Variants in TLE4 observed in about 807,000 individuals in gnomAD.
TLE4 encodes the protein transducin-like enhancer protein 4.
Under a neutral mutation model 92.8 loss-of-function variants are expected in TLE4, and 8 were observed. The observed-to-expected ratio is 0.09, with a 90% confidence interval of 0.05 to 0.16. The LOEUF (loss-of-function observed/expected upper bound fraction) is 0.16. TLE4 is among the 10% of genes least tolerant of loss of function. TLE4 has a pLI of 1.00. For missense variants in TLE4, 675 were observed against 997.6 expected (o/e 0.68, Z 4.36); for synonymous variants, 371 against 374.1 (o/e 0.99, Z 0.10).
At chr9:79,716,029 G>A (rs1040250542) in intron 14 of TLE4, among the ~76,000 whole-genome samples, 11 of 151,904 alleles carry the variant, frequency 7.2e-5, no homozygotes, top group African/African-American at 1.7e-4. Flanking sequence ...GTTGTCTTTC[G>A]TTTTGCCACC....
chr9:79,583,146 C>T (rs1043197602), intron 4 of TLE4, among the ~76,000 whole-genome samples: 2 of 151,810 alleles, frequency 1.3e-5, no homozygotes, highest in African/African-American at 2.4e-5. Flanking sequence ...ATCTATATAC[C>T]CTCTCTCTTT....
In TLE4 at chr9:79,573,273, C is replaced by A. The variant is rs1456084542; in HGVS notation, c.46-416C>A. On this transcript the variant is annotated intron_variant, in intron 1 of 19. Transcript: ENST00000376552. ...CCGCCGGGGCGAGCGGGCGAACGAA[C>A]GAGCCGAGAGGGTGGCGGCCGCCTC... 21 of 1,022,738 alleles carry A rather than the reference C, an allele frequency of 2.1e-5. No individual in the cohort carries two copies. The Admixed American group carries it at 1.2e-3, about 58-fold the overall frequency. 63.4% of individuals were successfully genotyped at this position (1,022,738 alleles called of 1,614,324 possible). A position where few individuals can be genotyped will look rare whatever the true frequency, so the allele number is the denominator to read the frequency against.
chr9:79,711,242 A>G (rs1464252666), intron 14 of TLE4, among the ~76,000 whole-genome samples: 2 of 152,198 alleles, frequency 1.3e-5, no homozygotes, highest in African/African-American at 4.8e-5. Context: ...TAGGGGAGAA[A>G]AGACAAATTA....
chr9:79,637,507 A>G (rs1459387692), intron 6 of TLE4, among the ~76,000 whole-genome samples: 2 of 152,126 alleles, frequency 1.3e-5, no homozygotes, highest in African/African-American at 2.4e-5. Flanking sequence ...GTCATCAATA[A>G]TCTCTTTATC....
intron 8 of TLE4, among the ~76,000 whole-genome samples, chr9:79,668,193 G>T (rs968412640): frequency 1.4e-4 from 21 of 152,218 alleles, no homozygotes; most frequent in African/African-American, 5.1e-4. Flanking sequence ...GCCCAGACGA[G>T]CTGTGAGCAG....
chr9:79,690,634 A>C (rs761574592), intron 8 of TLE4, among the ~76,000 whole-genome samples: 1 of 150,642 alleles, frequency 6.6e-6, no homozygotes, highest in Non-Finnish European at 1.5e-5. Flanking sequence ...TCTTTTTTCA[A>C]ATTTTTAGAC....
At chr9:79,656,031 A>C (rs1366159290) in intron 8 of TLE4, among the ~76,000 whole-genome samples, 12 of 152,212 alleles carry the variant, frequency 7.9e-5, no homozygotes, top group Admixed American at 7.9e-4. Context: ...AGAAAGGCTG[A>C]TGATTTTGCC....
intron 4 of TLE4, among the ~76,000 whole-genome samples, chr9:79,598,014 C>T (rs1332675450): frequency 5.5e-5 from 8 of 145,668 alleles, no homozygotes; most frequent in South Asian, 2.1e-4. Flanking sequence ...AGGCGGATCA[C>T]GAGGTCAGGA....
rs2059299209 is a variant in TLE4, at chr9:79,653,293, A to T, written c.592+499A>T. On this transcript the variant is annotated intron_variant, in intron 7 of 19. Transcript: ENST00000376552. ...TAATTAAGAAGGTACAGACCAAATT[A>T]ATGAAATCTGTTGGTTTAACTCTCT... Among the ~76,000 whole-genome samples, 4 of 152,350 alleles carry T rather than the reference A, an allele frequency of 2.6e-5. No homozygotes were observed. The South Asian group carries it at 8.3e-4, about 32-fold the overall frequency.
intron 8 of TLE4, among the ~76,000 whole-genome samples, chr9:79,696,127 T>C (rs776411962): frequency 2.2e-4 from 33 of 152,148 alleles, no homozygotes; most frequent in Admixed American, 5.2e-4. Flanking sequence ...AAAATGCACA[T>C]CAGATTTTGA....
chr9:79,725,262 G>A lies in TLE4; in HGVS notation c.*118G>A. 3.0e-6 allele frequency: 2 copies of A among 675,408 alleles called. No individual in the cohort carries two copies. Among genetic ancestry groups the A allele is most frequent in the South Asian group, 3.7e-5 (2 of 54,488 alleles). 41.8% of individuals were successfully genotyped at this position (675,408 alleles called of 1,614,324 possible). ...AGGATTTCAGATACTCATTGCAGTT[G>A]TGGAGTTTAATCCCCTTTCTTAACC... is the stretch of plus-strand genomic sequence containing the variant. On this transcript the variant is annotated 3_prime_UTR_variant, in exon 20 of 20. Coordinates refer to ENST00000376552, the MANE Select transcript of TLE4 (RefSeq NM_007005.6).
At chr9:79,605,266 CCTTT>C (rs1271691970) in intron 4 of TLE4, among the ~76,000 whole-genome samples, 4 of 152,116 alleles carry the variant, frequency 2.6e-5, no homozygotes, top group African/African-American at 9.7e-5. Context: ...TCCCATCCTT[CCTTT>C]CTATTTTCCC....
intron 10 of TLE4, 112 bp from the exon 11 acceptor site, chr9:79,706,635 T>C (rs2071652830): frequency 1.5e-6 from 2 of 1,349,786 alleles, no homozygotes; most frequent in African/African-American, 2.9e-5. Flanking sequence ...TCTAGCACAT[T>C]TGTGCTTCTA....
intron 8 of TLE4, among the ~76,000 whole-genome samples, chr9:79,697,714 T>C (rs572440865): frequency 6.6e-6 from 1 of 152,230 alleles, no homozygotes; most frequent in Non-Finnish European, 1.5e-5. Flanking sequence ...TGATATCTTA[T>C]AAATTATTAG....
intron 4 of TLE4, among the ~76,000 whole-genome samples, chr9:79,592,149 T>TTTCTTCTTTC (rs2042704243): frequency 6.7e-6 from 1 of 148,826 alleles, no homozygotes; most frequent in African/African-American, 2.5e-5. Flanking sequence ...TTCTTTCTTC[T>TTTCTTCTTTC]TTCTTCTTCT....
chr9:79,713,172 G>A (rs940990244), intron 14 of TLE4, among the ~76,000 whole-genome samples: 19 of 152,230 alleles, frequency 1.2e-4, no homozygotes, highest in Middle Eastern at 3.2e-3. Context: ...TACTGTGCGC[G>A]TGAGAGATGA....
At chr9:79,718,404 T>G (rs1373298990) in intron 14 of TLE4, among the ~76,000 whole-genome samples, 2 of 152,166 alleles carry the variant, frequency 1.3e-5, no homozygotes, top group East Asian at 3.9e-4. Flanking sequence ...TTGACGGTGG[T>G]TATCTCATTT....
intron 6 of TLE4, among the ~76,000 whole-genome samples, chr9:79,630,185 C>T (rs1237816153): frequency 6.6e-6 from 1 of 152,134 alleles, no homozygotes; most frequent in Non-Finnish European, 1.5e-5. Context: ...TCTGATGAAG[C>T]ACCTTTTTAA....
chr9:79,719,397 C>G (rs1404922130), intron 15 of TLE4, among the ~76,000 whole-genome samples: 2 of 151,640 alleles, frequency 1.3e-5, no homozygotes, highest in South Asian at 4.2e-4. Context: ...TAGGAAATGT[C>G]AGTTTAGTAG....
Sources: allele counts gnomAD v4.1 joint callset (sites outside exome capture counted in the v4.1 genomes callset), GRCh38; gene constraint gnomAD v4.1.1; transcripts MANE v1.5; gene names NCBI Gene and HGNC (gene_info 2026-07-23, HGNC 2026-07-21).